USP15: variants seen among roughly 807,000 people sequenced by gnomAD.
USP15 encodes ubiquitin carboxyl-terminal hydrolase 15.
Under a neutral mutation model 127.1 loss-of-function variants are expected in USP15, and 18 were observed. The ratio of observed to expected loss-of-function variants is 0.14; its 90% CI spans 0.10 to 0.21. The LOEUF is 0.21. Ranked by LOEUF, USP15 falls within the 10% of genes least tolerant of loss-of-function variation. USP15 has a pLI of 1.00. For missense variants in USP15, 805 were observed against 1,159.9 expected (o/e 0.69, Z 4.44); for synonymous variants, 364 against 393.7 (o/e 0.92, Z 0.89).
chr12:62,341,303 C>A (rs1457181682), intron 6 of USP15, among the ~76,000 whole-genome samples: 10 of 152,024 alleles, frequency 6.6e-5, no homozygotes, highest in Non-Finnish European at 1.5e-5. Context: ...CTGAATAAAG[C>A]ACACCAATGG....
chr12:62,335,351 G>T, intron 6 of USP15: 1 of 1,434,868 alleles, frequency 7.0e-7, no homozygotes, highest in Non-Finnish European at 9.1e-7. Context: ...GGAATCAGAA[G>T]AGATAAATGA....
intron 11 of USP15, among the ~76,000 whole-genome samples, 181 bp downstream of exon 11, chr12:62,384,483 T>A (rs1017966690): frequency 6.6e-6 from 1 of 151,694 alleles, no homozygotes; most frequent in African/African-American, 2.4e-5. Flanking sequence ...TCAGTGTAAC[T>A]TTTTACAGTC....
In USP15 at chr12:62,314,224, G is replaced by T. The variant is rs570352797; in HGVS notation, c.349-566G>T. On this transcript the variant is annotated intron_variant, in intron 3 of 21. Coordinates refer to ENST00000280377, the MANE Select transcript of USP15 (RefSeq NM_001252078.2). ...ACATATCAGTTACCTAGCCATAGCT[G>T]GATATTTTGGCAACAGTGATTTGGA... Among the ~76,000 whole-genome samples the T allele has an allele frequency of 2.0e-5, 3 of 151,920 alleles. No individual in the cohort carries two copies. The East Asian group carries it at 5.8e-4, about 29-fold the overall frequency.
chr12:62,362,846 C>CT (rs1180281289), intron 8 of USP15, among the ~76,000 whole-genome samples: 2 of 152,092 alleles, frequency 1.3e-5, no homozygotes, highest in African/African-American at 4.8e-5. Context: ...CTAACAGGAA[C>CT]TTGGAGAGCA....
At position 62,412,397 on chromosome 12, in the gene USP15, T is replaced by C. The variant is rs1565929627; in HGVS notation, c.*8022T>C. The C allele has an allele frequency of 6.6e-6, 1 of 152,288 alleles. No homozygotes were observed. The highest frequency in any genetic ancestry group is 1.5e-5 in the Non-Finnish European group (1 of 68,108). The allele number at this position is 152,288 out of a possible 1,614,324, so 9.4% of individuals were successfully genotyped here. On this transcript the variant is annotated 3_prime_UTR_variant, in exon 22 of 22. Coordinates refer to ENST00000280377, the MANE Select transcript of USP15 (RefSeq NM_001252078.2). ...AGTGAAGTTTGCTTCATCAATTGAC[T>C]CTTCCTTTTACAAGAGATTTCTCTG...
chr12:62,378,381 T>C (rs909275311), intron 8 of USP15, among the ~76,000 whole-genome samples: 2 of 152,208 alleles, frequency 1.3e-5, no homozygotes, highest in Admixed American at 1.3e-4. Flanking sequence ...TATTTATATG[T>C]GTTTATACAA....
chr12:62,328,441 C>A, intron 6 of USP15: 2 of 251,918 alleles, frequency 7.9e-6, no homozygotes, highest in South Asian at 3.8e-5. Flanking sequence ...GGCCTGTGAG[C>A]CATAAATTTC....
rs1353261721 is a variant in USP15, at chr12:62,412,846, A to C, written c.*8471A>C. The stretch of plus-strand genomic sequence containing the variant: ...ATTAACTTCTTTCAAACTCTTGTTA[A>C]TGTTGATATTTTGACTCCCATGAAT... On this transcript the variant is annotated 3_prime_UTR_variant, in exon 22 of 22. Transcript: ENST00000280377. 6.6e-6 allele frequency: 1 copy of C among 152,224 alleles called. No homozygotes were observed. Among genetic ancestry groups the C allele is most frequent in the Non-Finnish European group, 1.5e-5 (1 of 68,046 alleles). The allele number at this position is 152,224 out of a possible 1,614,324, so 9.4% of individuals were successfully genotyped here.
intron 8 of USP15, chr12:62,374,544 G>A: frequency 2.0e-6 from 2 of 985,700 alleles, no homozygotes; most frequent in Non-Finnish European, 2.4e-6. Context: ...AGGTACTGGG[G>A]AAATTCCAAA....
At chr12:62,303,133 C>CAA in intron 3 of USP15, 1 of 396,842 alleles carries the variant, frequency 2.5e-6, no homozygotes, top group Non-Finnish European at 4.5e-6. Context: ...GATTAATCCT[C>CAA]TATATATAGA....
At position 62,409,065 on chromosome 12, in the gene USP15, T is replaced by A. The variant is rs2067970552; in HGVS notation, c.*4690T>A. Reference sequence around the variant, plus strand: ...ATTCAAATATTTATCAAGACTTTTTTCTTCACTAATGATGGGGTAAAGAAT... The same window carrying A: ...ATTCAAATATTTATCAAGACTTTTTACTTCACTAATGATGGGGTAAAGAAT... On this transcript the variant is annotated 3_prime_UTR_variant, in exon 22 of 22. Transcript: ENST00000280377. 6.8e-6 allele frequency: 1 copy of A among 146,276 alleles called. No homozygotes were observed. Among genetic ancestry groups the A allele is most frequent in the African/African-American group, 2.8e-5 (1 of 35,926 alleles). 9.1% of individuals were successfully genotyped at this position (146,276 alleles called of 1,614,324 possible). A position where few individuals can be genotyped will look rare whatever the true frequency, so the allele number is the denominator to read the frequency against.
chr12:62,393,220 T>A lies in USP15; in HGVS notation c.2570+18T>A, dbSNP rs2067377407. ...CCTATCAAGTAAGCTTTAATTGTAC[T>A]TTATAAGCATTGGGCAACTCTTCTT... is the stretch of plus-strand genomic sequence containing the variant. On this transcript the variant is annotated intron_variant, in intron 19 of 21. Coordinates refer to ENST00000280377, the MANE Select transcript of USP15 (RefSeq NM_001252078.2). 7.5e-6 allele frequency: 12 copies of A among 1,605,096 alleles called. No individual in the cohort carries two copies. The East Asian group carries it at 2.7e-4, about 36-fold the overall frequency.
chr12:62,350,118 T>C (rs1388018309), intron 7 of USP15, among the ~76,000 whole-genome samples: 1 of 151,876 alleles, frequency 6.6e-6, no homozygotes, highest in Non-Finnish European at 1.5e-5. Flanking sequence ...CTAATACTTA[T>C]ACTAATTATG....
At chr12:62,276,558 A>C (rs1215157257) in intron 1 of USP15, among the ~76,000 whole-genome samples, 1 of 151,982 alleles carries the variant, frequency 6.6e-6, no homozygotes, top group Non-Finnish European at 1.5e-5. Context: ...ATGAGATATC[A>C]CTCATATAAA....
intron 8 of USP15, among the ~76,000 whole-genome samples, chr12:62,366,883 C>T (rs1049894618): frequency 6.6e-6 from 1 of 152,230 alleles, no homozygotes; most frequent in Non-Finnish European, 1.5e-5. Flanking sequence ...ACCAGCCTTG[C>T]ATCCCAGGGA....
rs559984179 is a variant in USP15 at position 62,291,501 on chromosome 12, A to G, written c.90-2678A>G. ...TCCTTAAAAATCAATATTGTGAATT[A>G]TTTAGCATTTCAGTAATGTTGGTTA... On this transcript the variant is annotated intron_variant, in intron 1 of 21. Coordinates refer to ENST00000280377, the MANE Select transcript of USP15 (RefSeq NM_001252078.2). Among the ~76,000 whole-genome samples, 10 of 152,286 alleles carry G rather than the reference A, an allele frequency of 6.6e-5. 1 individual carries two copies. Among genetic ancestry groups the G allele is most frequent in the South Asian group, 4.1e-4 (2 of 4,820 alleles).
In USP15 at chr12:62,404,406, T is replaced by C. The variant is rs1340122845; in HGVS notation, c.*31T>C. 6.5e-7 allele frequency: 1 copy of C among 1,532,050 alleles called. No homozygotes were observed. The highest frequency in any genetic ancestry group is 1.3e-5 in the South Asian group (1 of 79,020). The allele number at this position is 1,532,050 out of a possible 1,614,324, so 94.9% of individuals were successfully genotyped here. On this transcript the variant is annotated 3_prime_UTR_variant, in exon 22 of 22. Coordinates refer to ENST00000280377, the MANE Select transcript of USP15 (RefSeq NM_001252078.2). The stretch of plus-strand genomic sequence containing the variant: ...GTCCTAGAAGCCATAAAAGAGACAC[T>C]TTCCTGCTGGTGGTATCTATGGAAA...
chr12:62,357,318 A>G (rs1195303062), intron 8 of USP15, among the ~76,000 whole-genome samples: 1 of 152,052 alleles, frequency 6.6e-6, no homozygotes, highest in East Asian at 1.9e-4. Context: ...AGGTATTCAA[A>G]TTGAATCTTT....
intron 8 of USP15, among the ~76,000 whole-genome samples, chr12:62,370,183 G>A (rs541775763): frequency 6.6e-6 from 1 of 152,092 alleles, no homozygotes; most frequent in South Asian, 2.1e-4. Context: ...TGCCCGTCTC[G>A]GCCTCCCAAA....
Sources: allele counts gnomAD v4.1 joint callset (sites outside exome capture counted in the v4.1 genomes callset), GRCh38; gene constraint gnomAD v4.1.1; transcripts MANE v1.5; gene names NCBI Gene and HGNC (gene_info 2026-07-23, HGNC 2026-07-21).